Variants in PCYT1B observed in about 807,000 individuals in gnomAD.
PCYT1B encodes phosphate cytidylyltransferase 1B, choline, also known as choline-phosphate cytidylyltransferase B.
Under a neutral mutation model 26.4 loss-of-function variants are expected in PCYT1B, and 10 were observed. That is an observed-to-expected ratio of 0.38 (90% confidence interval 0.23 to 0.64). The LOEUF (loss-of-function observed/expected upper bound fraction) is 0.64, where lower values mean the gene tolerates loss of function less well. PCYT1B is among the 30% of genes least tolerant of loss of function. The pLI is 0.56. For synonymous variants in PCYT1B, 131 were observed against 108.4 expected (o/e 1.21, Z -1.29); for missense variants, 161 against 292.7 (o/e 0.55, Z 3.28).
At chrX:24,582,199 A>G (rs1010868481) in intron 5 of PCYT1B, among the ~76,000 whole-genome samples, 4 of 112,536 alleles carry the variant, frequency 3.6e-5, no homozygotes, top group African/African-American at 1.3e-4. Context: ...TTCAGCAGGC[A>G]GATATTTTAC....
At chrX:24,606,690 C>A (rs940357282) in intron 3 of PCYT1B, among the ~76,000 whole-genome samples, 1 of 107,856 alleles carries the variant, frequency 9.3e-6, no homozygotes, top group African/African-American at 3.7e-5. Flanking sequence ...ACGGCAAAAC[C>A]CCATCTCTAC....
Position 24,590,110 on chromosome X carries a change from G to A in PCYT1B, c.399C>T (p.Tyr133=), listed in dbSNP as rs753540289. ...CGTAGCGACAGTGTCTGAGAGCTTC[G>A]TATCTCTCGGCTTCATTCATCACGG... ...GFTVMNEAER[Y]EALRHCRYVD... The change falls in exon 4 of 8, where the codon TAC becomes TAT. Residue 133 remains tyrosine, a synonymous_variant. Coordinates refer to ENST00000379144, the MANE Select transcript of PCYT1B (RefSeq NM_004845.5). 7 of 1,206,888 alleles carry A rather than the reference G, an allele frequency of 5.8e-6. No individual in the cohort carries two copies. Among genetic ancestry groups the A allele is most frequent in the South Asian group, 5.3e-5 (3 of 56,661 alleles).
chrX:24,606,913 C>G (rs1021544758), intron 3 of PCYT1B, among the ~76,000 whole-genome samples: 3 of 111,710 alleles, frequency 2.7e-5, no homozygotes, highest in Non-Finnish European at 5.6e-5. Context: ...CAGAAGGTAA[C>G]AAAATTCTTT....
intron 1 of PCYT1B, among the ~76,000 whole-genome samples, chrX:24,669,448 C>T (rs965664924): frequency 6.2e-5 from 6 of 97,557 alleles, no homozygotes; most frequent in Non-Finnish European, 8.1e-5. Flanking sequence ...ACCCAGGAGC[C>T]GAGATCGTGC....
intron 1 of PCYT1B, among the ~76,000 whole-genome samples, chrX:24,635,147 A>G (rs1926231880): frequency 8.9e-6 from 1 of 112,438 alleles, no homozygotes; most frequent in Non-Finnish European, 1.9e-5. Flanking sequence ...TCAATCCAGC[A>G]TGTCACAAAA....
intron 2 of PCYT1B, among the ~76,000 whole-genome samples, chrX:24,608,168 G>A (rs761194167): frequency 5.4e-5 from 6 of 111,361 alleles, no homozygotes; most frequent in African/African-American, 2.0e-4. Flanking sequence ...AGTCAGCCCA[G>A]CTGGAACACG....
rs769452516 is a variant in PCYT1B, at chrX:24,601,230, C to T, written c.334+6515G>A. On this transcript the variant is annotated intron_variant, in intron 3 of 7. Transcript: ENST00000379144. ...ACTGGGGGCCGGGCACGATGGCTCA[C>T]GCCTGTAGTCCCAGCACTTTGGGAG... is the stretch of plus-strand genomic sequence containing the variant. Among the ~76,000 whole-genome samples the T allele has an allele frequency of 1.5e-4, 17 of 112,222 alleles. No individual in the cohort carries two copies. The South Asian group carries it at 1.8e-3, about 12-fold the overall frequency.
In PCYT1B at chrX:24,560,738, G is replaced by A. The variant is rs895590309; in HGVS notation, c.*1555C>T. ...CTGGTTCCCAAGGCCTCTGAAAAGG[G>A]GTATTTCTATCACAAGAGATTCTGG... On this transcript the variant is annotated 3_prime_UTR_variant, in exon 8 of 8. Transcript: ENST00000379144. 3.6e-5 allele frequency: 4 copies of A among 112,028 alleles called. No homozygotes were observed. Among genetic ancestry groups the A allele is most frequent in the East Asian group, 2.8e-4 (1 of 3,541 alleles). The allele number at this position is 112,028 out of a possible 1,213,427, so 9.2% of individuals were successfully genotyped here.
rs766353705 is a variant in PCYT1B, at chrX:24,558,147, A to G, written c.*4146T>C. ...AGAATGGTGTGGTCCATTTGAGAGCAAGAATGGGATAGGAGCAGGGGGGCA... is the reference window on the plus strand; with the variant it reads ...AGAATGGTGTGGTCCATTTGAGAGCGAGAATGGGATAGGAGCAGGGGGGCA... On this transcript the variant is annotated 3_prime_UTR_variant, in exon 8 of 8. Coordinates refer to ENST00000379144, the MANE Select transcript of PCYT1B (RefSeq NM_004845.5). 8.9e-6 allele frequency: 1 copy of G among 111,758 alleles called. No individual in the cohort carries two copies. The highest frequency in any genetic ancestry group is 9.5e-5 in the Admixed American group (1 of 10,561). 9.2% of individuals were successfully genotyped at this position (111,758 alleles called of 1,213,427 possible).
intron 3 of PCYT1B, among the ~76,000 whole-genome samples, chrX:24,602,432 T>C (rs773763322): frequency 8.9e-6 from 1 of 111,886 alleles, no homozygotes; most frequent in South Asian, 3.7e-4. Context: ...CATTATACAA[T>C]GTACATCTAT....
At chrX:24,567,366 G>C (rs1923665877) in intron 7 of PCYT1B, among the ~76,000 whole-genome samples, 1 of 112,272 alleles carries the variant, frequency 8.9e-6, no homozygotes, top group South Asian at 3.7e-4. Flanking sequence ...TCTCTGATCT[G>C]TTTCTGGTGC....
chrX:24,670,790 C>A (rs1026671996), intron 1 of PCYT1B, among the ~76,000 whole-genome samples: 1 of 111,144 alleles, frequency 9.0e-6, no homozygotes, highest in Non-Finnish European at 1.9e-5. Flanking sequence ...ATAATGTCAA[C>A]TATTATAATA....
Position 24,602,205 on chromosome X carries a change from G to A in PCYT1B, c.334+5540C>T, listed in dbSNP as rs770908944. On this transcript the variant is annotated intron_variant, in intron 3 of 7. Coordinates refer to ENST00000379144, the MANE Select transcript of PCYT1B (RefSeq NM_004845.5). ...GCAAGCCATGAAAAGACATTGAGGA[G>A]CATTAATTGAATATTATGAAGTAAA... 8.9e-5 allele frequency among the ~76,000 whole-genome samples: 10 copies of A among 112,119 alleles called. No individual in the cohort carries two copies. The South Asian group carries it at 3.7e-3, about 42-fold the overall frequency.
intron 7 of PCYT1B, among the ~76,000 whole-genome samples, chrX:24,563,138 G>A (rs1317312040): frequency 1.8e-5 from 2 of 111,407 alleles, no homozygotes; most frequent in Non-Finnish European, 3.8e-5. Context: ...GGACTGGAGG[G>A]GTGGCAGAAA....
intron 1 of PCYT1B, among the ~76,000 whole-genome samples, chrX:24,657,091 G>C (rs1300677115): frequency 9.0e-6 from 1 of 111,549 alleles, no homozygotes; most frequent in Non-Finnish European, 1.9e-5. Flanking sequence ...AAGAATGATT[G>C]TTGCTATTAC....
intron 3 of PCYT1B, among the ~76,000 whole-genome samples, chrX:24,604,917 T>C (rs920832873): frequency 1.8e-5 from 2 of 111,846 alleles, no homozygotes; most frequent in Admixed American, 9.6e-5. Flanking sequence ...ATATCTGAAA[T>C]TCTGTGTAAA....
intron 2 of PCYT1B, 125 bp downstream of exon 2, chrX:24,618,860 T>G (rs1925605914): frequency 5.4e-6 from 2 of 372,949 alleles, no homozygotes; most frequent in African/African-American, 5.1e-5. Flanking sequence ...GACCTCAAGG[T>G]GATCCACCCA....
chrX:24,638,497 C>G (rs1926365788), intron 1 of PCYT1B, among the ~76,000 whole-genome samples: 1 of 112,092 alleles, frequency 8.9e-6, no homozygotes, highest in African/African-American at 3.2e-5. Context: ...GTAATCAGAT[C>G]CTAGCAAGGT....
chrX:24,624,216 G>A (rs765804869), intron 1 of PCYT1B, among the ~76,000 whole-genome samples: 84 of 110,901 alleles, frequency 7.6e-4, no homozygotes, highest in South Asian at 2.3e-3. Context: ...TGATCCGCCC[G>A]CCTTGGCCTC....
Sources: allele counts gnomAD v4.1 joint callset (sites outside exome capture counted in the v4.1 genomes callset), GRCh38; gene constraint gnomAD v4.1.1; transcripts MANE v1.5; gene names NCBI Gene and HGNC (gene_info 2026-07-23, HGNC 2026-07-21).